PLS1: variants seen among roughly 807,000 people sequenced by gnomAD.
PLS1 encodes the protein plastin-1.
A neutral mutation model predicts 73.7 loss-of-function variants in PLS1; 32 were observed. The ratio of observed to expected loss-of-function variants is 0.43; its 90% CI spans 0.33 to 0.58. PLS1 has a LOEUF of 0.58. Among genes scored for constraint, PLS1 ranks in the 20% least tolerant of loss-of-function variants. PLS1 has a pLI of 0.04. For synonymous variants in PLS1, 217 were observed against 261.3 expected (o/e 0.83, Z 1.63); for missense variants, 633 against 740.5 (o/e 0.85, Z 1.68).
intron 1 of PLS1, among the ~76,000 whole-genome samples, chr3:142,625,025 T>C (rs1039557582): frequency 6.6e-6 from 1 of 152,180 alleles, no homozygotes; most frequent in Non-Finnish European, 1.5e-5. Flanking sequence ...ATTAGGTTTC[T>C]TTGCATAGCT....
intron 8 of PLS1, 43 bp downstream of exon 8, chr3:142,684,438 G>A (rs1336067161): frequency 2.6e-6 from 4 of 1,528,988 alleles, no homozygotes; most frequent in African/African-American, 1.4e-5. Context: ...AAATAAGGAT[G>A]TGCAGTGTAA....
At chr3:142,699,924 A>G (rs921855862) in intron 12 of PLS1, among the ~76,000 whole-genome samples, 12 of 152,212 alleles carry the variant, frequency 7.9e-5, no homozygotes, top group African/African-American at 1.2e-4. Flanking sequence ...TGATTTGCAT[A>G]TAATTCTTTT....
chr3:142,650,392 T>C (rs1262610869), intron 1 of PLS1, among the ~76,000 whole-genome samples: 2 of 151,846 alleles, frequency 1.3e-5, no homozygotes, highest in African/African-American at 4.8e-5. Context: ...CTAATCTTTG[T>C]CTGGTTTTGG....
intron 1 of PLS1, among the ~76,000 whole-genome samples, chr3:142,627,444 C>T (rs947970203): frequency 8.5e-5 from 13 of 152,140 alleles, no homozygotes; most frequent in African/African-American, 2.9e-4. Context: ...ACTTGAAAAG[C>T]TTTCTTACTC....
Position 142,704,606 on chromosome 3 carries a change from A to C in PLS1, c.1629+20A>C. 6.9e-7 allele frequency: 1 copy of C among 1,449,670 alleles called. No individual in the cohort carries two copies. The highest frequency in any genetic ancestry group is 2.3e-5 in the Admixed American group (1 of 43,796). The allele number at this position is 1,449,670 out of a possible 1,614,324, so 89.8% of individuals were successfully genotyped here. Reference sequence around the variant, plus strand: ...TTCAAGGTAATCAAGAGTCCTAAAAAAAATTTTTTTTTGTAGGTATAGGAA... The same window carrying C: ...TTCAAGGTAATCAAGAGTCCTAAAACAAATTTTTTTTTGTAGGTATAGGAA... On this transcript the variant is annotated intron_variant, in intron 14 of 15. Transcript: ENST00000457734.
chr3:142,653,782 TAGA>T (rs2037156079), intron 1 of PLS1, among the ~76,000 whole-genome samples: 1 of 152,132 alleles, frequency 6.6e-6, no homozygotes, highest in Admixed American at 6.5e-5. Context: ...GAAAGTGAAT[TAGA>T]AGATGATTCT....
intron 1 of PLS1, among the ~76,000 whole-genome samples, chr3:142,650,619 G>C (rs1329376973): frequency 6.6e-6 from 1 of 152,132 alleles, no homozygotes; most frequent in Non-Finnish European, 1.5e-5. Flanking sequence ...TGCGTGGCTT[G>C]GACCTGGAAC....
In PLS1 at chr3:142,704,363, A is replaced by G. The variant is rs77154035; in HGVS notation, c.1506-100A>G. 2,380 of 919,306 alleles carry G rather than the reference A, an allele frequency of 2.6e-3. 47 individuals carry two copies. The African/African-American group carries it at 0.037, about 14-fold the overall frequency. 56.9% of individuals were successfully genotyped at this position (919,306 alleles called of 1,614,324 possible). On this transcript the variant is annotated intron_variant, in intron 13 of 15. Transcript: ENST00000457734. The stretch of plus-strand genomic sequence containing the variant: ...ACTAAAATTAGAAATATTTATTAGA[A>G]CTGAACTATTTCTTAAGTATTTATC...
intron 1 of PLS1, among the ~76,000 whole-genome samples, chr3:142,638,077 G>A (rs554854012): frequency 4.6e-5 from 7 of 152,132 alleles, no homozygotes; most frequent in Admixed American, 3.9e-4. Context: ...CTATCTGCTC[G>A]CTTAACCTGA....
intron 1 of PLS1, among the ~76,000 whole-genome samples, chr3:142,609,227 A>G (rs895632480): frequency 6.6e-6 from 1 of 152,246 alleles, no homozygotes; most frequent in Non-Finnish European, 1.5e-5. Flanking sequence ...AGGATAGAGT[A>G]GTCTGTGCTG....
chr3:142,675,439 G>C (rs1316852593), intron 4 of PLS1, among the ~76,000 whole-genome samples: 1 of 152,020 alleles, frequency 6.6e-6, no homozygotes, highest in Non-Finnish European at 1.5e-5. Flanking sequence ...CTGGAGTGCA[G>C]TGGCGCGATC....
intron 1 of PLS1, among the ~76,000 whole-genome samples, chr3:142,614,164 T>C (rs939556287): frequency 2.0e-5 from 3 of 152,184 alleles, no homozygotes; most frequent in African/African-American, 7.2e-5. Context: ...ATCTGTACAA[T>C]TACAGCTTCA....
intron 5 of PLS1, among the ~76,000 whole-genome samples, chr3:142,676,552 G>C (rs1347500665): frequency 6.6e-6 from 1 of 152,056 alleles, no homozygotes; most frequent in Non-Finnish European, 1.5e-5. Context: ...TGAGTTATTT[G>C]TCTGATGCAG....
At chr3:142,610,598 A>G (rs1472210344) in intron 1 of PLS1, among the ~76,000 whole-genome samples, 7 of 152,120 alleles carry the variant, frequency 4.6e-5, no homozygotes, top group East Asian at 3.8e-4. Flanking sequence ...TAAAATGGAT[A>G]TATTTGATGA....
chr3:142,628,654 T>C (rs2036485951), intron 1 of PLS1, among the ~76,000 whole-genome samples: 1 of 152,198 alleles, frequency 6.6e-6, no homozygotes, highest in African/African-American at 2.4e-5. Flanking sequence ...CATGGTGGTC[T>C]TCCTTAGTCT....
chr3:142,671,786 C>T (rs540235097), intron 4 of PLS1, among the ~76,000 whole-genome samples: 1 of 152,250 alleles, frequency 6.6e-6, no homozygotes, highest in Non-Finnish European at 1.5e-5. Flanking sequence ...TGCTTTTTGG[C>T]CTTTTGACAA....
intron 11 of PLS1, among the ~76,000 whole-genome samples, chr3:142,696,801 AAAAG>A (rs1364800017): frequency 6.6e-6 from 1 of 151,276 alleles, no homozygotes; most frequent in Non-Finnish European, 1.5e-5. Flanking sequence ...TTTAAAGTAA[AAAAG>A]AAAAATACAT....
At chr3:142,676,834 T>C (rs964896238) in intron 5 of PLS1, among the ~76,000 whole-genome samples, 1 of 152,208 alleles carries the variant, frequency 6.6e-6, no homozygotes, top group Admixed American at 6.5e-5. Flanking sequence ...GTCTTTTCTT[T>C]AGTTTATAAA....
chr3:142,620,223 C>G (rs894094458), intron 1 of PLS1, among the ~76,000 whole-genome samples: 2 of 152,000 alleles, frequency 1.3e-5, no homozygotes, highest in Non-Finnish European at 2.9e-5. Context: ...CTCCCAGGTT[C>G]AAGTGATTCT....
Sources: gnomAD v4.1 joint callset for allele counts (sites outside exome capture counted in the v4.1 genomes callset) on GRCh38, gnomAD v4.1.1 for gene constraint, MANE v1.5 for transcripts, NCBI Gene and HGNC (gene_info 2026-07-23, HGNC 2026-07-21) for gene names.